The following NCAM2 variants were observed in gnomAD, a reference collection of about 807,000 sequenced individuals.
The protein encoded by NCAM2 is neural cell adhesion molecule 2.
NCAM2 carries 30 observed loss-of-function variants against 98.1 expected under a neutral mutation model. The ratio of observed to expected loss-of-function variants is 0.31; its 90% CI spans 0.23 to 0.41. The LOEUF (loss-of-function observed/expected upper bound fraction) is 0.41. NCAM2 is among the 10% of genes least tolerant of loss of function. The probability of loss-of-function intolerance (pLI) is 1.00; values close to 1 mark genes in which losing one functional copy is unlikely to be tolerated. For synonymous variants in NCAM2, 368 were observed against 342.4 expected, an observed-to-expected ratio of 1.07 and a Z score of -0.83; for missense variants, 867 against 1,005.8, an observed-to-expected ratio of 0.86 and a Z score of 1.87.
At chr21:21,048,904 G>C (rs1177018507) in intron 1 of NCAM2, among the ~76,000 whole-genome samples, 2 of 151,810 alleles carry the variant, frequency 1.3e-5, no homozygotes, top group Non-Finnish European at 2.9e-5. Flanking sequence ...CCTGACCTTA[G>C]ATTTCTCATA....
intron 9 of NCAM2, among the ~76,000 whole-genome samples, chr21:21,377,592 C>A (rs566778908): frequency 2.6e-5 from 4 of 151,676 alleles, no homozygotes; most frequent in Non-Finnish European, 5.9e-5. Context: ...ATAATTGTAT[C>A]CATTTATGGG....
At chr21:21,450,792 A>ATGTATG (rs367691757) in intron 12 of NCAM2, among the ~76,000 whole-genome samples, 62 of 74,596 alleles carry the variant, frequency 8.3e-4, no homozygotes, top group African/African-American at 2.5e-3. Flanking sequence ...GTATGTATGT[A>ATGTATG]TACACACACA....
chr21:21,009,524 A>G (rs2064168609), intron 1 of NCAM2, among the ~76,000 whole-genome samples: 1 of 152,002 alleles, frequency 6.6e-6, no homozygotes, highest in Non-Finnish European at 1.5e-5. Flanking sequence ...AGATGGTTAT[A>G]CAGTTGGGGT....
At chr21:21,104,737 G>T (rs2066311163) in intron 1 of NCAM2, among the ~76,000 whole-genome samples, 1 of 152,134 alleles carries the variant, frequency 6.6e-6, no homozygotes, top group South Asian at 2.1e-4. Context: ...AGTAATCTCT[G>T]CCTTGGGTAG....
intron 16 of NCAM2, among the ~76,000 whole-genome samples, chr21:21,524,611 G>A (rs936943109): frequency 6.6e-6 from 1 of 151,562 alleles, no homozygotes; most frequent in African/African-American, 2.4e-5. Flanking sequence ...TGGGAAAAAA[G>A]AGAAAAAAAT....
intron 1 of NCAM2, among the ~76,000 whole-genome samples, chr21:21,237,505 A>G (rs1285475011): frequency 1.3e-5 from 2 of 152,126 alleles, no homozygotes; most frequent in Non-Finnish European, 2.9e-5. Flanking sequence ...GGAGGAAAAA[A>G]TGTTTCTTTA....
At chr21:21,019,501 GA>G (rs1226232779) in intron 1 of NCAM2, among the ~76,000 whole-genome samples, 3 of 152,052 alleles carry the variant, frequency 2.0e-5, no homozygotes, top group African/African-American at 7.2e-5. Flanking sequence ...CTTTTCTTAA[GA>G]AAAGAATATT....
At chr21:21,083,856 C>G (rs2065858048) in intron 1 of NCAM2, among the ~76,000 whole-genome samples, 1 of 152,160 alleles carries the variant, frequency 6.6e-6, no homozygotes, top group Non-Finnish European at 1.5e-5. Flanking sequence ...AATATCATAA[C>G]TAGGATATTG....
intron 4 of NCAM2, among the ~76,000 whole-genome samples, chr21:21,291,465 T>G (rs1273919576): frequency 6.6e-6 from 1 of 151,536 alleles, no homozygotes; most frequent in African/African-American, 2.4e-5. Flanking sequence ...GCTTATTTTT[T>G]TATATATGCA....
intron 16 of NCAM2, among the ~76,000 whole-genome samples, chr21:21,531,804 C>A (rs1295848843): frequency 1.1e-4 from 16 of 149,246 alleles, no homozygotes; most frequent in African/African-American, 3.7e-4. Flanking sequence ...CGCGGTGAAA[C>A]CCCGTCTCTA....
At chr21:21,159,427 A>G (rs1013366637) in intron 1 of NCAM2, among the ~76,000 whole-genome samples, 3 of 152,150 alleles carry the variant, frequency 2.0e-5, no homozygotes, top group Non-Finnish European at 2.9e-5. Context: ...GAATGAGGTC[A>G]TGTCCTGCAA....
At chr21:21,280,116 T>C (rs185790613) in intron 1 of NCAM2, among the ~76,000 whole-genome samples, 1 of 152,312 alleles carries the variant, frequency 6.6e-6, no homozygotes, top group Admixed American at 6.5e-5. Flanking sequence ...CTTTCCTTTG[T>C]ATGCCTGCCT....
intron 1 of NCAM2, among the ~76,000 whole-genome samples, chr21:21,242,589 A>T (rs8131337): frequency 0.99 from 150,545 of 152,282 alleles, 74,442 homozygotes; most frequent in East Asian, 1. Flanking sequence ...GATCCTGCCG[A>T]AGTAGTCTTT....
chr21:21,434,232 A>C (rs989929163), intron 12 of NCAM2, among the ~76,000 whole-genome samples: 6 of 152,244 alleles, frequency 3.9e-5, no homozygotes, highest in African/African-American at 1.2e-4. Context: ...ATATAAGTAC[A>C]TACTTTACCT....
At chr21:21,383,482 G>A (rs780634753) in intron 9 of NCAM2, among the ~76,000 whole-genome samples, 13 of 152,118 alleles carry the variant, frequency 8.5e-5, no homozygotes, top group East Asian at 1.9e-4. Context: ...ACTAGGGCCC[G>A]TCCCCTGGGA....
At chr21:21,330,415 G>C (rs978660696) in intron 6 of NCAM2, among the ~76,000 whole-genome samples, 2 of 151,756 alleles carry the variant, frequency 1.3e-5, no homozygotes, top group Non-Finnish European at 2.9e-5. Context: ...ATGCTGATTT[G>C]TTTCTAAGTA....
chr21:21,021,043 A>G (rs1202556949), intron 1 of NCAM2, among the ~76,000 whole-genome samples: 1 of 152,176 alleles, frequency 6.6e-6, no homozygotes, highest in East Asian at 1.9e-4. Flanking sequence ...AGAGAATTAC[A>G]ACACAGGAAA....
chr21:21,265,464 T>C (rs2072221153), intron 1 of NCAM2, among the ~76,000 whole-genome samples: 1 of 141,936 alleles, frequency 7.0e-6, no homozygotes, highest in Admixed American at 7.3e-5. Context: ...ATATAATATA[T>C]GTGTGTATAT....
At chr21:21,235,537 A>G (rs1378959239) in intron 1 of NCAM2, among the ~76,000 whole-genome samples, 1 of 152,064 alleles carries the variant, frequency 6.6e-6, no homozygotes, top group Non-Finnish European at 1.5e-5. Context: ...AAAATTATAA[A>G]CTGAAAACGC....
Sources: allele counts gnomAD v4.1 joint callset (sites outside exome capture counted in the v4.1 genomes callset), GRCh38; gene constraint gnomAD v4.1.1; transcripts MANE v1.5; gene names NCBI Gene and HGNC (gene_info 2026-07-23, HGNC 2026-07-21).